Variants in ANXA6 observed in about 807,000 individuals in gnomAD.
The protein encoded by ANXA6 is annexin A6.
A neutral mutation model predicts 95.4 loss-of-function variants in ANXA6; 71 were observed. That is an observed-to-expected ratio of 0.74 (90% CI 0.61 to 0.91). The LOEUF is 0.91. Ranked by LOEUF, ANXA6 falls within the 40% of genes least tolerant of loss-of-function variation. The probability of loss-of-function intolerance (pLI) is 0.00; values close to 1 mark genes in which losing one functional copy is unlikely to be tolerated. For synonymous variants in ANXA6, 289 were observed against 315.9 expected (o/e 0.91, Z 0.90); for missense variants, 830 against 876.4 (o/e 0.95, Z 0.67).
intron 1 of ANXA6, among the ~76,000 whole-genome samples, chr5:151,153,403 AG>A (rs1766155409): frequency 6.6e-6 from 1 of 152,196 alleles, no homozygotes; most frequent in Non-Finnish European, 1.5e-5. Context: ...GCAGCCAAGG[AG>A]GCTGAGAACC....
chr5:151,124,076 G>A (rs1226235017), intron 15 of ANXA6, among the ~76,000 whole-genome samples: 2 of 152,202 alleles, frequency 1.3e-5, no homozygotes, highest in Admixed American at 1.3e-4. Flanking sequence ...CTTGGTCCCT[G>A]GAAAGGGCTT....
chr5:151,127,250 A>G (rs759842365), intron 13 of ANXA6, among the ~76,000 whole-genome samples: 8 of 152,210 alleles, frequency 5.3e-5, no homozygotes, highest in Non-Finnish European at 7.3e-5. Flanking sequence ...ATCAACCCCT[A>G]TGGTCCTTAC....
chr5:151,123,751 C>G (rs1156411986), intron 15 of ANXA6, among the ~76,000 whole-genome samples: 1 of 152,214 alleles, frequency 6.6e-6, no homozygotes, highest in African/African-American at 2.4e-5. Flanking sequence ...GATGGCCTGT[C>G]CCAGGCTGGA....
chr5:151,110,674 G>A (rs758837446), intron 20 of ANXA6, 30 bp from the exon 21 acceptor site: 7 of 1,612,904 alleles, frequency 4.3e-6, no homozygotes, highest in Non-Finnish European at 5.9e-6. Context: ...AGAGGAGGGA[G>A]AGAAGGGAGG....
chr5:151,114,900 T>C (rs577314277), intron 20 of ANXA6, among the ~76,000 whole-genome samples: 1 of 152,220 alleles, frequency 6.6e-6, no homozygotes, highest in South Asian at 2.1e-4. Flanking sequence ...AACAGGCAAA[T>C]ACAAACTGCC....
intron 2 of ANXA6, chr5:151,141,785 G>A: frequency 2.2e-6 from 2 of 899,998 alleles, no homozygotes; most frequent in Non-Finnish European, 2.7e-6. Context: ...TCACGCCCCT[G>A]GGCAGAGACT....
intron 10 of ANXA6, among the ~76,000 whole-genome samples, chr5:151,131,844 G>A (rs950305170): frequency 2.0e-5 from 3 of 152,080 alleles, no homozygotes; most frequent in African/African-American, 4.8e-5. Context: ...GGCTTCTGGG[G>A]AGGCAATTAA....
In ANXA6 at chr5:151,122,320, A is replaced by C. The variant is rs13168472; in HGVS notation, c.1234-60T>G. 107,179 of 939,162 alleles carry C rather than the reference A, an allele frequency of 0.11. 6,951 individuals are homozygous for C. Among genetic ancestry groups the C allele is most frequent in the South Asian group, 0.14 (8,864 of 63,630 alleles). The allele number at this position is 939,162 out of a possible 1,614,324, so 58.2% of individuals were successfully genotyped here. A position where few individuals can be genotyped will look rare whatever the true frequency, so the allele number is the denominator to read the frequency against. On this transcript the variant is annotated intron_variant, in intron 16 of 25. Transcript: ENST00000354546. ...AGCACTTGCCCACACATGACTCAGG[A>C]TGGGAGAGATGGAAAGAGAAAACAG... is the stretch of plus-strand genomic sequence containing the variant.
intron 22 of ANXA6, 41 bp downstream of exon 22, chr5:151,109,712 A>G (rs1432855262): frequency 6.7e-7 from 1 of 1,488,768 alleles, no homozygotes; most frequent in East Asian, 2.4e-5. Context: ...AGATTCTGGG[A>G]TCTTCCTGCT....
rs1187728544 is a variant in ANXA6, at chr5:151,101,129, T to C, written c.*319A>G. On this transcript the variant is annotated 3_prime_UTR_variant, in exon 26 of 26. Coordinates refer to ENST00000354546, the MANE Select transcript of ANXA6 (RefSeq NM_001155.5). ...ATTTTACAGACAGAGGTTCAGGATG[T>C]TTTTGGATCTGACATAGCCCAAACC... The C allele has an allele frequency of 1.9e-6, 1 of 529,544 alleles. No homozygotes were observed. The highest frequency in any genetic ancestry group is 3.5e-6 in the Non-Finnish European group (1 of 282,044). The allele number at this position is 529,544 out of a possible 1,614,324, so 32.8% of individuals were successfully genotyped here.
At chr5:151,110,688 G>C (rs373495030) in intron 20 of ANXA6, 44 bp from the exon 21 acceptor site, 3 of 1,610,896 alleles carry the variant, frequency 1.9e-6, no homozygotes, top group East Asian at 2.2e-5. Context: ...AGGGAGGCAA[G>C]AGTCAGAGGA....
intron 5 of ANXA6, 44 bp from the exon 6 acceptor site, chr5:151,137,365 A>AG (rs751752389): frequency 1.5e-5 from 23 of 1,525,642 alleles, no homozygotes; most frequent in Non-Finnish European, 2.0e-5. Context: ...CAGGGATGGG[A>AG]GGTCACTGGA....
chr5:151,136,500 A>G (rs1561580706), intron 6 of ANXA6, among the ~76,000 whole-genome samples, 165 bp from the exon 7 acceptor site: 1 of 152,164 alleles, frequency 6.6e-6, no homozygotes, highest in Non-Finnish European at 1.5e-5. Context: ...AGCTCTTCGT[A>G]CTGACCATGA....
In ANXA6 at chr5:151,124,338, G is replaced by A. The variant is rs778713007; in HGVS notation, c.1086C>T (p.Asp362=). The change falls in exon 15 of 26, where the codon GAC becomes GAT. Residue 362 remains aspartate (D), a synonymous_variant. Coordinates refer to ENST00000354546, the MANE Select transcript of ANXA6 (RefSeq NM_001155.5). ...ELKGTVRPAN[D]FNPDADAKAL... is the part of the protein sequence containing the mutation. ...CTTTGGCATCTGCGTCAGGGTTGAA[G>A]TCATTGGCTGGGCGCACAGTTCCCT... 1.2e-6 allele frequency: 2 copies of A among 1,613,126 alleles called. No homozygotes were observed. The highest frequency in any genetic ancestry group is 3.3e-5 in the Admixed American group (2 of 59,924).
intron 15 of ANXA6, 125 bp from the exon 16 acceptor site, chr5:151,123,136 C>T (rs1420054330): frequency 1.0e-5 from 8 of 790,948 alleles, no homozygotes; most frequent in Non-Finnish European, 1.7e-5. Context: ...CGGCCATGTG[C>T]TCCTGAGTCC....
intron 1 of ANXA6, among the ~76,000 whole-genome samples, chr5:151,157,309 C>T (rs1425097194): frequency 2.0e-5 from 3 of 152,240 alleles, no homozygotes; most frequent in Non-Finnish European, 4.4e-5. Context: ...TGACTGGCGT[C>T]CAGCTGACCC....
chr5:151,103,470 A>G, intron 25 of ANXA6, 100 bp downstream of exon 25: 3 of 1,216,544 alleles, frequency 2.5e-6, no homozygotes, highest in Non-Finnish European at 1.1e-6. Flanking sequence ...TCTAAGCGGT[A>G]ACCCACTGGA....
At position 151,108,473 on chromosome 5, in the gene ANXA6, C is replaced by G; in HGVS notation, c.1762G>C (p.Asp588His). ...IKKEMSGDVR[D>H]AFVAIVQSVK... Reference sequence around the variant, plus strand: ...CAGTTACCAATGGCCACAAATGCATCCCTGACATCCCCAGACATCTCCTTC... The same window carrying G: ...CAGTTACCAATGGCCACAAATGCATGCCTGACATCCCCAGACATCTCCTTC... Residue 588 changes from aspartate to histidine, a missense_variant, in exon 23 of 26, where the codon GAT (aspartate) becomes CAT (histidine). Asp to His is a moderately conservative substitution (Grantham distance 81). Coordinates refer to ENST00000354546, the MANE Select transcript of ANXA6 (RefSeq NM_001155.5). 1 of 1,613,946 alleles carries G rather than the reference C, an allele frequency of 6.2e-7. No homozygotes were observed.
At chr5:151,116,074 G>A (rs1043715072) in intron 20 of ANXA6, among the ~76,000 whole-genome samples, 1 of 152,198 alleles carries the variant, frequency 6.6e-6, no homozygotes, top group African/African-American at 2.4e-5. Context: ...TATATAGTAT[G>A]CATTCTAAAA....
Sources: allele counts gnomAD v4.1 joint callset (sites outside exome capture counted in the v4.1 genomes callset), GRCh38; gene constraint gnomAD v4.1.1; transcripts MANE v1.5; gene names NCBI Gene and HGNC (gene_info 2026-07-23, HGNC 2026-07-21).